The following FARP1 variants were observed in gnomAD, a reference collection of about 807,000 sequenced individuals.
The protein encoded by FARP1 is FERM, ARH/RhoGEF and pleckstrin domain protein 1.
In FARP1, 52 loss-of-function variants were observed where a neutral mutation model predicts 128.8. The ratio of observed to expected loss-of-function variants is 0.40; its 90% confidence interval spans 0.32 to 0.51. FARP1 has a LOEUF of 0.51. Ranked by LOEUF, FARP1 falls within the 20% of genes least tolerant of loss-of-function variation. The pLI is 0.45. For missense variants in FARP1, 1,333 were observed against 1,367.9 expected (o/e 0.97, Z 0.40); for synonymous variants, 580 against 551.8 (o/e 1.05, Z -0.72).
intron 16 of FARP1, among the ~76,000 whole-genome samples, chr13:98,423,386 C>T (rs1426733162): frequency 6.6e-6 from 1 of 152,218 alleles, no homozygotes; most frequent in East Asian, 1.9e-4. Flanking sequence ...AGATCTCTCA[C>T]TTCCTATTAG....
intron 2 of FARP1, among the ~76,000 whole-genome samples, chr13:98,267,525 T>G (rs1884181177): frequency 6.6e-6 from 1 of 152,236 alleles, no homozygotes; most frequent in Non-Finnish European, 1.5e-5. Flanking sequence ...TCTCGGCCTA[T>G]GGAGGGCTGC....
At chr13:98,412,495 G>A (rs1042870935) in intron 16 of FARP1, among the ~76,000 whole-genome samples, 2 of 152,212 alleles carry the variant, frequency 1.3e-5, no homozygotes, top group African/African-American at 4.8e-5. Flanking sequence ...GCGTGTGCAT[G>A]CGCACACACA....
intron 1 of FARP1, among the ~76,000 whole-genome samples, chr13:98,161,583 T>G (rs1051211442): frequency 6.6e-5 from 10 of 152,160 alleles, no homozygotes; most frequent in Non-Finnish European, 1.2e-4. Flanking sequence ...CCTGTTGACC[T>G]TTCTCTGAGG....
intron 2 of FARP1, chr13:98,329,875 C>T (rs651318): frequency 0.091 from 13,857 of 152,052 alleles, 1,219 homozygotes; most frequent in African/African-American, 0.23. Flanking sequence ...TGCCTTCCAG[C>T]AGAGAAAGAC....
At chr13:98,356,159 T>G (rs1207035068) in intron 3 of FARP1, among the ~76,000 whole-genome samples, 1 of 152,226 alleles carries the variant, frequency 6.6e-6, no homozygotes, top group Non-Finnish European at 1.5e-5. Context: ...ATACTAATAT[T>G]GAGAAATAAA....
intron 14 of FARP1, among the ~76,000 whole-genome samples, chr13:98,410,518 C>T (rs186291042): frequency 1.2e-3 from 184 of 152,218 alleles, no homozygotes; most frequent in African/African-American, 4.1e-3. Flanking sequence ...TCACATGAAA[C>T]GGAGAGTAAT....
chr13:98,408,733 A>G (rs951723863), intron 13 of FARP1, among the ~76,000 whole-genome samples: 2 of 152,186 alleles, frequency 1.3e-5, no homozygotes, highest in African/African-American at 4.8e-5. Flanking sequence ...CTGCTTTTGC[A>G]TGTTGAAGTG....
chr13:98,344,697 G>A lies in FARP1; in HGVS notation c.276+831G>A, dbSNP rs566466719. On this transcript the variant is annotated intron_variant, in intron 3 of 26. Coordinates refer to ENST00000319562, the MANE Select transcript of FARP1 (RefSeq NM_005766.4). ...CCACAGGTGGGACGGCAGCATCTAC[G>A]GGAAGAGCCGTCAGAGGCAGTGCAG... Among the ~76,000 whole-genome samples, 11 of 152,316 alleles carry A rather than the reference G, an allele frequency of 7.2e-5. No homozygotes were observed. In the South Asian group the frequency reaches 8.3e-4, roughly 11 times the overall value.
At chr13:98,215,953 G>C (rs973147753) in intron 2 of FARP1, among the ~76,000 whole-genome samples, 1 of 152,072 alleles carries the variant, frequency 6.6e-6, no homozygotes, top group Non-Finnish European at 1.5e-5. Flanking sequence ...ACCACACCCA[G>C]CCAATTTTTG....
At position 98,343,874 on chromosome 13, in the gene FARP1, A is replaced by G; in HGVS notation, c.276+8A>G. 6.4e-7 allele frequency: 1 copy of G among 1,561,232 alleles called. No individual in the cohort carries two copies. Among genetic ancestry groups the G allele is most frequent in the Non-Finnish European group, 8.8e-7 (1 of 1,133,344 alleles). On this transcript the variant is annotated splice_region_variant and intron_variant, in intron 3 of 26. Coordinates refer to ENST00000319562, the MANE Select transcript of FARP1 (RefSeq NM_005766.4). ...GATCACAAAAAGATCACGGTAGGTG[A>G]TGTCAACTTAATGTTACTATTTTAC...
intron 13 of FARP1, chr13:98,403,458 A>G (rs193149762): frequency 3.5e-4 from 54 of 152,320 alleles, no homozygotes; most frequent in African/African-American, 1.1e-3. Context: ...ATCTATTTCA[A>G]TTGGGATAGA....
rs781453525 is a variant in FARP1 at position 98,440,723 on chromosome 13, G to A, written c.2683G>A (p.Ala895Thr). Residue 895 changes from alanine to threonine, a missense_variant, in exon 24 of 27, where the codon GCC becomes ACC. Ala to Thr is a moderately conservative substitution (Grantham distance 58, BLOSUM62 0). Transcript: ENST00000319562. The part of the protein sequence containing the change: ...ADQESEDDLS[A>T]SRTSLERQAP... Reference sequence around the variant, plus strand: ...CCAGGAGTCAGAGGATGACCTGAGCGCCTCGCGCACATCGCTGGAGCGCCA... The same window carrying A: ...CCAGGAGTCAGAGGATGACCTGAGCACCTCGCGCACATCGCTGGAGCGCCA... 8.1e-6 allele frequency: 13 copies of A among 1,613,560 alleles called. No individual in the cohort carries two copies. Among genetic ancestry groups the A allele is most frequent in the South Asian group, 5.5e-5 (5 of 91,068 alleles).
intron 2 of FARP1, among the ~76,000 whole-genome samples, chr13:98,272,988 G>C (rs1359273076): frequency 6.6e-6 from 1 of 152,244 alleles, no homozygotes; most frequent in Non-Finnish European, 1.5e-5. Flanking sequence ...GCGAGTATGA[G>C]AGACTGGGAA....
At chr13:98,158,916 T>C (rs563709424) in intron 1 of FARP1, among the ~76,000 whole-genome samples, 31 of 152,318 alleles carry the variant, frequency 2.0e-4, no homozygotes, top group Admixed American at 1.2e-3. Flanking sequence ...CCTCCATTCC[T>C]TGGAGAGCTA....
intron 2 of FARP1, among the ~76,000 whole-genome samples, chr13:98,217,008 A>G (rs1881099983): frequency 6.6e-6 from 1 of 152,196 alleles, no homozygotes; most frequent in African/African-American, 2.4e-5. Context: ...TGAAAGGGTT[A>G]ATAAGGTGCC....
At chr13:98,424,044 C>T (rs930984556) in intron 16 of FARP1, among the ~76,000 whole-genome samples, 1 of 152,138 alleles carries the variant, frequency 6.6e-6, no homozygotes, top group African/African-American at 2.4e-5. Context: ...ATCTCCTGTC[C>T]TTTCTCAGTT....
At chr13:98,290,857 T>C (rs1885418081) in intron 2 of FARP1, among the ~76,000 whole-genome samples, 1 of 151,874 alleles carries the variant, frequency 6.6e-6, no homozygotes, top group Admixed American at 6.6e-5. Flanking sequence ...CAAAATGGAG[T>C]TGCCGTTTTC....
chr13:98,155,693 A>AT (rs1026162480), intron 1 of FARP1, among the ~76,000 whole-genome samples: 3 of 151,834 alleles, frequency 2.0e-5, no homozygotes, highest in Non-Finnish European at 2.9e-5. Context: ...TAATTTTTGT[A>AT]TTTTTTGTAG....
intron 26 of FARP1, 177 bp downstream of exon 26, chr13:98,446,994 G>A: frequency 1.5e-6 from 1 of 645,312 alleles, no homozygotes; most frequent in Non-Finnish European, 2.6e-6. Flanking sequence ...ATGGCAGAAA[G>A]TGGGGTCCCA....
Sources: allele counts gnomAD v4.1 joint callset (sites outside exome capture counted in the v4.1 genomes callset), GRCh38; gene constraint gnomAD v4.1.1; transcripts MANE v1.5; gene names NCBI Gene and HGNC (gene_info 2026-07-23, HGNC 2026-07-21).